Variants in LIPE observed in about 807,000 individuals in gnomAD.
LIPE encodes the protein lipase E, hormone sensitive type, also known as hormone-sensitive lipase.
A neutral mutation model predicts 88.5 loss-of-function variants in LIPE; 66 were observed. The ratio of observed to expected loss-of-function variants is 0.75; its 90% CI spans 0.61 to 0.91. The LOEUF (loss-of-function observed/expected upper bound fraction) is 0.91. Ranked by LOEUF, LIPE falls within the 40% of genes least tolerant of loss-of-function variation. LIPE has a pLI of 0.00. For synonymous variants in LIPE, 570 were observed against 617.5 expected (o/e 0.92, Z 1.14); for missense variants, 1,346 against 1,434.7 (o/e 0.94, Z 1.00).
intron 8 of LIPE, among the ~76,000 whole-genome samples, chr19:42,403,292 TGA>T (rs2040057320): frequency 7.7e-6 from 1 of 129,094 alleles, no homozygotes; most frequent in Non-Finnish European, 1.7e-5. Context: ...TGTGTGTGTG[TGA>T]CTGGGAAGAT....
chr19:42,401,928 C>A lies in LIPE; in HGVS notation c.3115G>T (p.Ala1039Ser), dbSNP rs1029271436. Residue 1039 changes from alanine (A) to serine (S), a missense_variant, in exon 10 of 10, where the codon GCC (alanine) becomes TCC (serine). Coordinates refer to ENST00000244289, the MANE Select transcript of LIPE (RefSeq NM_005357.4). ...ATGCGCTCCACGCACAGCTCTGCGG[C>A]CTGGCGCGTCTCGCGGCACAGCGCC... ...LAALCRETRQ[A>S]AELCVERIRL... The A allele has an allele frequency of 5.1e-6, 8 of 1,555,124 alleles. No individual in the cohort carries two copies. Among genetic ancestry groups the A allele is most frequent in the African/African-American group, 2.7e-5 (2 of 73,198 alleles).
At position 42,410,326 on chromosome 19, in the gene LIPE, C is replaced by A. The variant is rs1568603680; in HGVS notation, c.1400G>T (p.Gly467Val). Residue 467 changes from glycine to valine, a missense_variant, in exon 2 of 10, where the codon GGC (glycine) becomes GTC (valine). Physicochemically the swap from Gly to Val is moderately radical, Grantham distance 109 (BLOSUM62 -3). Transcript: ENST00000244289. The surrounding 1 kb of genome is among the most constrained non-coding windows in gnomAD (Gnocchi z 6.1). ...GCTCACCTGGAAGCCCAGGCAGCGG[C>A]CATAGAAGCATCCCTTATGCAGCGT... ...YVTLHKGCFY[G>V]RCLGFQFTPA... 2.5e-6 allele frequency: 4 copies of A among 1,597,078 alleles called. No individual in the cohort carries two copies.
rs752082960 is a variant in LIPE at position 42,408,391 on chromosome 19, C to A, written c.1420-69G>T. ...ATGGGGACAGGGCAGGAGCGAGGCA[C>A]AGGGATGTGCGGGGAAGACACATTC... On this transcript the variant is annotated intron_variant, in intron 2 of 9. Transcript: ENST00000244289. This position sits in a 1 kb window ranked among gnomAD's most constrained non-coding sequence, Gnocchi z 4.3. 4.2e-5 allele frequency: 53 copies of A among 1,269,722 alleles called. No homozygotes were observed. The highest frequency in any genetic ancestry group is 2.0e-4 in the Middle Eastern group (1 of 5,044). The allele number at this position is 1,269,722 out of a possible 1,614,324, so 78.7% of individuals were successfully genotyped here.
chr19:42,410,215 A>G lies in LIPE; in HGVS notation c.1419+92T>C. The G allele has an allele frequency of 1.2e-5, 15 of 1,266,836 alleles. No homozygotes were observed. Among genetic ancestry groups the G allele is most frequent in the Non-Finnish European group, 1.6e-5 (15 of 933,134 alleles). The allele number at this position is 1,266,836 out of a possible 1,614,324, so 78.5% of individuals were successfully genotyped here. ...CTGTTTGCTGAGTCCGATAATGCTG[A>G]CCACTGGTTACTTTACCATACTATA... On this transcript the variant is annotated intron_variant, in intron 2 of 9. Coordinates refer to ENST00000244289, the MANE Select transcript of LIPE (RefSeq NM_005357.4). This position sits in a 1 kb window ranked among gnomAD's most constrained non-coding sequence, Gnocchi z 6.1.
At chr19:42,413,070 G>A (rs2040417262) in intron 1 of LIPE, among the ~76,000 whole-genome samples, 1 of 152,218 alleles carries the variant, frequency 6.6e-6, no homozygotes, top group African/African-American at 2.4e-5. Flanking sequence ...GAGGCTCAGA[G>A]AGAGAGATTC....
rs1459859004 is a variant in LIPE, at chr19:42,407,778, A to G, written c.1670T>C (p.Met557Thr). The change falls in exon 5 of 10, where the codon ATG becomes ACG. Residue 557 changes from methionine (M) to threonine (T), a missense_variant. Coordinates refer to ENST00000244289, the MANE Select transcript of LIPE (RefSeq NM_005357.4). The surrounding 1 kb of genome is among the most constrained non-coding windows in gnomAD (Gnocchi z 5.8). ...EMEVLSSLAN[M>T]ASATVRVSRL... The stretch of plus-strand genomic sequence containing the variant: ...GCTTACCCTCACGGTGGCCGATGCC[A>G]TGTTGGCCAGAGACTGGAGGGAGGG... The G allele has an allele frequency of 2.6e-6, 4 of 1,547,368 alleles. No individual in the cohort carries two copies. In the African/African-American group the frequency reaches 4.1e-5, roughly 16 times the overall value.
intron 1 of LIPE, 111 bp downstream of exon 1, chr19:42,426,156 A>G: frequency 9.1e-6 from 4 of 440,766 alleles, no homozygotes; most frequent in African/African-American, 2.7e-5. Context: ...TTATCTCAGG[A>G]TTGTTGAAGG....
At position 42,414,252 on chromosome 19, in the gene LIPE, G is replaced by A. The variant is rs1324578211; in HGVS notation, c.884-3410C>T. On this transcript the variant is annotated intron_variant, in intron 1 of 9. Transcript: ENST00000244289. This position sits in a 1 kb window ranked among gnomAD's most constrained non-coding sequence, Gnocchi z 4.6. ...TCACGCCACTGTACTCCAGCCTGGC[G>A]ATAAAGCGAGACTCTGTCAGAAAAG... Among the ~76,000 whole-genome samples the A allele has an allele frequency of 2.0e-5, 3 of 151,682 alleles. No individual in the cohort carries two copies. The highest frequency in any genetic ancestry group is 2.1e-4 in the South Asian group (1 of 4,808).
rs746708066 is a variant in LIPE at position 42,403,105 on chromosome 19, G to T, written c.2543-74C>A. ...GTGTGGCTGGCAGGGAATGCCATGGGAAGGGCAGTCGCCTGTGGAGCGCTG... is the reference window on the plus strand; with the variant it reads ...GTGTGGCTGGCAGGGAATGCCATGGTAAGGGCAGTCGCCTGTGGAGCGCTG... On this transcript the variant is annotated intron_variant, in intron 8 of 9. Transcript: ENST00000244289. 3.5e-5 allele frequency: 50 copies of T among 1,413,850 alleles called. No individual in the cohort carries two copies. The African/African-American group carries it at 5.7e-4, about 16-fold the overall frequency. The allele number at this position is 1,413,850 out of a possible 1,614,324, so 87.6% of individuals were successfully genotyped here.
chr19:42,419,482 C>T (rs930669661), intron 1 of LIPE, among the ~76,000 whole-genome samples: 6 of 152,058 alleles, frequency 3.9e-5, no homozygotes, highest in African/African-American at 9.7e-5. Flanking sequence ...GCCAGCAACT[C>T]GCCAGGAATC....
chr19:42,410,696 G>A lies in LIPE; in HGVS notation c.1030C>T (p.Gln344Ter), dbSNP rs1179468519. The A allele has an allele frequency of 4.3e-6, 7 of 1,613,198 alleles. No individual in the cohort carries two copies. The highest frequency in any genetic ancestry group is 5.9e-6 in the Non-Finnish European group (7 of 1,179,496). The change falls in exon 2 of 10, where the codon CAG becomes TAG. Residue 344 changes from glutamine (Q) to a stop codon, truncating the protein, a stop_gained. Coordinates refer to ENST00000244289, the MANE Select transcript of LIPE (RefSeq NM_005357.4). LOFTEE classifies it high-confidence loss of function. This position sits in a 1 kb window ranked among gnomAD's most constrained non-coding sequence, Gnocchi z 6.1. ...AGGGCCGGCTCCAGCCCCAGCGCCT[G>A]CTCCCGTACACCGGCAAAAACGCCT... ...LSGVFAGVRE[Q>*]ALGLEPALGR...
Position 42,407,707 on chromosome 19 carries a change from C to G in LIPE, c.1741G>C (p.Ala581Pro). 24 of 1,585,262 alleles carry G rather than the reference C, an allele frequency of 1.5e-5. No individual in the cohort carries two copies. Among genetic ancestry groups the G allele is most frequent in the Non-Finnish European group, 2.1e-5 (24 of 1,167,416 alleles). ...ATGGTGACCGTGAGCGTGGGGTCGG[C>G]AGTCAGTGGCATCTCAAAGGCTTCG... ...PPEAFEMPLTADPTLTVTISP... is the reference protein window; with the variant it reads ...PPEAFEMPLTPDPTLTVTISP... The change falls in exon 5 of 10, where the codon GCC (alanine) becomes CCC (proline). Residue 581 changes from alanine to proline, a missense_variant. Ala to Pro is a conservative substitution (Grantham distance 27, BLOSUM62 -1). Coordinates refer to ENST00000244289, the MANE Select transcript of LIPE (RefSeq NM_005357.4). This position sits in a 1 kb window ranked among gnomAD's most constrained non-coding sequence, Gnocchi z 5.8.
In LIPE at chr19:42,410,220, TG is replaced by T. The variant is rs2040329932; in HGVS notation, c.1419+86del. 13 of 1,306,496 alleles carry T rather than the reference TG, an allele frequency of 1.0e-5. No homozygotes were observed. The highest frequency in any genetic ancestry group is 1.3e-5 in the Non-Finnish European group (13 of 967,386). 80.9% of individuals were successfully genotyped at this position (1,306,496 alleles called of 1,614,324 possible). On this transcript the variant is annotated intron_variant, in intron 2 of 9. Transcript: ENST00000244289. The surrounding 1 kb of genome is among the most constrained non-coding windows in gnomAD (Gnocchi z 6.1). ...TGCTGAGTCCGATAATGCTGACCAC[TG>T]GTTACTTTACCATACTATAGGCCAG...
rs35639038 is a variant in LIPE, at chr19:42,402,121, C to G, written c.2968-46G>C. ...ACGTGGAGAGAGGGTGGGGGACAGA[C>G]AGACCGGGGTCGGGTAGAGCGAGGA... On this transcript the variant is annotated intron_variant, in intron 9 of 9. Transcript: ENST00000244289. The G allele has an allele frequency of 0.098, 139,187 of 1,420,750 alleles. 7,656 individuals are homozygous for G. Among genetic ancestry groups the G allele is most frequent in the Middle Eastern group, 0.19 (805 of 4,190 alleles). 88.0% of individuals were successfully genotyped at this position (1,420,750 alleles called of 1,614,324 possible).
In LIPE at chr19:42,408,317, C is replaced by T. The variant is rs778001440; in HGVS notation, c.1425G>A (p.Thr475=). Residue 475 remains threonine, a synonymous_variant, in exon 3 of 10, where the codon ACG becomes ACA. Transcript: ENST00000244289. This position sits in a 1 kb window ranked among gnomAD's most constrained non-coding sequence, Gnocchi z 4.3. The part of the protein sequence containing the change: ...FYGRCLGFQF[T]PAIRPFLQTI... ...TCTGCAGGAATGGCCGGATGGCAGG[C>T]GTGAACTGTGGAGAGACGCGGCTGC... The T allele has an allele frequency of 1.2e-5, 19 of 1,613,826 alleles. No homozygotes were observed. The highest frequency in any genetic ancestry group is 3.3e-5 in the Admixed American group (2 of 59,990).
intron 1 of LIPE, among the ~76,000 whole-genome samples, chr19:42,416,722 G>T (rs2040494690): frequency 6.6e-6 from 1 of 152,168 alleles, no homozygotes; most frequent in Non-Finnish European, 1.5e-5. Context: ...TTTACAGCAT[G>T]GTTTACTGAA....
chr19:42,424,216 T>C, intron 1 of LIPE: 2 of 861,758 alleles, frequency 2.3e-6, no homozygotes, highest in Non-Finnish European at 3.3e-6. Flanking sequence ...TGGGGGATGG[T>C]GGTAGGAGAA....
rs61518179 is a variant in LIPE at position 42,426,455 on chromosome 19, G to A, written c.695C>T (p.Ser232Phe). 1 of 1,614,050 alleles carries A rather than the reference G, an allele frequency of 6.2e-7. No homozygotes were observed. Among genetic ancestry groups the A allele is most frequent in the Middle Eastern group, 1.6e-4 (1 of 6,062 alleles). Reference protein sequence around the residue: ...WKALSEWVTDSESESDVGSSS... With the variant: ...WKALSEWVTDFESESDVGSSS... ...TGATCCCACATCTGATTCTGACTCA[G>A]AATCTGTGACCCACTCAGAAAGTGC... The change falls in exon 1 of 10, where the codon TCT becomes TTT. Residue 232 changes from serine (S) to phenylalanine (F), a missense_variant. Transcript: ENST00000244289.
At position 42,403,044 on chromosome 19, in the gene LIPE, G is replaced by GA. The variant is rs1568594805; in HGVS notation, c.2543-14dup. ...CGGCGCATCGGCTCTGAGAGAGGGAGAGCAGATAGGCCTGGCTCCGTTAGT... is the reference window on the plus strand; with the variant it reads ...CGGCGCATCGGCTCTGAGAGAGGGAGAAGCAGATAGGCCTGGCTCCGTTAGT... On this transcript the variant is annotated splice_polypyrimidine_tract_variant and intron_variant, in intron 8 of 9. Coordinates refer to ENST00000244289, the MANE Select transcript of LIPE (RefSeq NM_005357.4). 2.6e-6 allele frequency: 4 copies of GA among 1,533,054 alleles called. No individual in the cohort carries two copies. In the South Asian group the frequency reaches 4.9e-5, roughly 19 times the overall value. 95.0% of individuals were successfully genotyped at this position (1,533,054 alleles called of 1,614,324 possible). A position where few individuals can be genotyped will look rare whatever the true frequency, so the allele number is the denominator to read the frequency against.
Sources: gnomAD v4.1 joint callset for allele counts (sites outside exome capture counted in the v4.1 genomes callset) on GRCh38, gnomAD v4.1.1 for gene constraint, Gnocchi (gnomAD v3.1) non-coding constraint, MANE v1.5 for transcripts, NCBI Gene and HGNC (gene_info 2026-07-23, HGNC 2026-07-21) for gene names.